Variants in MALAT1 observed in about 807,000 individuals in gnomAD.
The protein encoded by MALAT1 is hepcarcin.
At chr11:65,505,549 T>A (rs1328922159) in intron 3 of MALAT1, 1 of 515,736 alleles carries the variant, frequency 1.9e-6, no homozygotes, top group Admixed American at 1.9e-5. Context: ...ACAAGCAACT[T>A]CTCTGCCACA....
chr11:65,499,038 G>C (rs771710314), exon 3 of MALAT1: 6 of 518,492 alleles, frequency 1.2e-5, no homozygotes, highest in Admixed American at 7.8e-5. Context: ...CGCCCGAGCT[G>C]TGCGGTAGGC....
At chr11:65,502,841 GAAAGCTACCAATTTA>G in exon 3 of MALAT1, 1 of 502,616 alleles carries the variant, frequency 2.0e-6, no homozygotes, top group Non-Finnish European at 4.0e-6. Context: ...TTAAGCAAAT[GAAAGCTACCAATTTA>G]AAGTTACGGA....
chr11:65,504,051 G>A, intron 3 of MALAT1: 1 of 518,056 alleles, frequency 1.9e-6, no homozygotes, highest in Non-Finnish European at 3.9e-6. Context: ...ATCTTAGAGT[G>A]GTAGGCAATG....
chr11:65,499,773 G>T, exon 3 of MALAT1: 1 of 426,564 alleles, frequency 2.3e-6, no homozygotes, highest in Non-Finnish European at 4.5e-6. Flanking sequence ...AACCTGAAAA[G>T]TAGGAAGCAG....
At position 65,506,122 on chromosome 11, in the gene MALAT1, T is replaced by G. The variant is rs777158988; in HGVS notation, n.5169-138T>G. ...TAAAAAAAAAAAAAGCAAAAGATGCTGGTGGTTGGCACTCCTGGTTTCCAG... is the reference window on the plus strand; with the variant it reads ...TAAAAAAAAAAAAAGCAAAAGATGCGGGTGGTTGGCACTCCTGGTTTCCAG... On this transcript the variant is annotated intron_variant and non_coding_transcript_variant, in intron 3 of 3. Transcript: ENST00000619449. 3.2e-5 allele frequency: 13 copies of G among 403,526 alleles called. No homozygotes were observed. The Admixed American group carries it at 4.3e-4, about 13-fold the overall frequency. The allele number at this position is 403,526 out of a possible 1,614,324, so 25.0% of individuals were successfully genotyped here. A position where few individuals can be genotyped will look rare whatever the true frequency, so the allele number is the denominator to read the frequency against.
exon 3 of MALAT1, chr11:65,503,247 A>G (rs1210592225): frequency 1.9e-6 from 1 of 515,774 alleles, no homozygotes; most frequent in South Asian, 1.4e-5. Flanking sequence ...CTTATTTTTA[A>G]GAGCTGTGGA....
chr11:65,498,924 A>G (rs1235446368), intron 2 of MALAT1: 3 of 518,920 alleles, frequency 5.8e-6, no homozygotes, highest in South Asian at 2.8e-5. Flanking sequence ...GTAAAACTAG[A>G]ACCTATTTTT....
intron 3 of MALAT1, chr11:65,503,908 G>C (rs1178631376): frequency 1.9e-6 from 1 of 517,434 alleles, no homozygotes. Flanking sequence ...TTAGACAGGT[G>C]GGAGATTATG....
chr11:65,504,452 T>A (rs745913010), intron 3 of MALAT1: 1 of 518,818 alleles, frequency 1.9e-6, no homozygotes, highest in African/African-American at 1.9e-5. Flanking sequence ...GATTAAAAGT[T>A]GTGTTCCCCA....
chr11:65,505,753 A>G (rs561583854), intron 3 of MALAT1: 2 of 518,930 alleles, frequency 3.9e-6, no homozygotes, highest in Admixed American at 1.9e-5. Context: ...GGGTATTAAA[A>G]CCACAGCTAA....
exon 3 of MALAT1, chr11:65,499,634 A>G (rs568256926): frequency 2.0e-5 from 9 of 444,180 alleles, no homozygotes; most frequent in African/African-American, 1.0e-4. Flanking sequence ...GGATGAAACA[A>G]TTTGGAGAAG....
intron 1 of MALAT1, chr11:65,497,874 C>A (rs370649330): frequency 7.7e-5 from 40 of 518,754 alleles, no homozygotes; most frequent in African/African-American, 6.3e-4. Flanking sequence ...AGGCAGGTCC[C>A]CTCTGACGCC....
At chr11:65,500,888 T>C (rs1271080640) in exon 3 of MALAT1, 1 of 516,608 alleles carries the variant, frequency 1.9e-6, no homozygotes, top group Non-Finnish European at 3.9e-6. Context: ...TATGGGGACG[T>C]AGGCCGATTT....
At chr11:65,499,526 C>T (rs1430982579) in exon 3 of MALAT1, 1 of 460,338 alleles carries the variant, frequency 2.2e-6, no homozygotes, top group Non-Finnish European at 4.3e-6. Flanking sequence ...ATTAAAAGAC[C>T]TTGAAATCCA....
rs1213837411 is a variant in MALAT1 at position 65,498,882 on chromosome 11, GTTCCA to G, written n.232-85_232-81del. On this transcript the variant is annotated intron_variant and non_coding_transcript_variant, in intron 2 of 3. Transcript: ENST00000619449. Reference sequence around the variant, plus strand: ...TTCTGCATGTGTAGTTTGCATTCAAGTTCCATAAGCTGTTAAGAAAAATCTAGAAA... The same window carrying G: ...TTCTGCATGTGTAGTTTGCATTCAAGTAAGCTGTTAAGAAAAATCTAGAAA... 4 of 518,466 alleles carry G rather than the reference GTTCCA, an allele frequency of 7.7e-6. No individual in the cohort carries two copies. In the Admixed American group the frequency reaches 7.8e-5, roughly 10 times the overall value. 32.1% of individuals were successfully genotyped at this position (518,466 alleles called of 1,614,324 possible). A position where few individuals can be genotyped will look rare whatever the true frequency, so the allele number is the denominator to read the frequency against.
chr11:65,501,570 T>G (rs745868321), exon 3 of MALAT1: 5 of 518,558 alleles, frequency 9.6e-6, no homozygotes, highest in Non-Finnish European at 1.9e-5. Context: ...GGAGAAAATG[T>G]TTTTTTCTAA....
chr11:65,504,529 A>G (rs764618127), intron 3 of MALAT1: 3 of 518,770 alleles, frequency 5.8e-6, no homozygotes, highest in African/African-American at 1.9e-5. Context: ...TGTTGAGGAA[A>G]TTTCTGCAGT....
chr11:65,506,017 G>A (rs762930715), intron 3 of MALAT1: 1 of 459,452 alleles, frequency 2.2e-6, no homozygotes. Context: ...CTCTTCAGTA[G>A]GGTCATGAAG....
At chr11:65,500,122 TG>T in exon 3 of MALAT1, 1 of 486,738 alleles carries the variant, frequency 2.1e-6, no homozygotes, top group Non-Finnish European at 4.1e-6. Context: ...GAAGAATACT[TG>T]AAGCTAGAAG....
Sources: gnomAD v4.1 joint callset for allele counts on GRCh38, gnomAD v4.1.1 for gene constraint, MANE v1.5 for transcripts, NCBI Gene and HGNC (gene_info 2026-07-23, HGNC 2026-07-21) for gene names.